Variants in TCOF1 observed in about 807,000 individuals in gnomAD.
TCOF1 encodes treacle protein.
Under a neutral mutation model 149.0 loss-of-function variants are expected in TCOF1, and 33 were observed. The observed-to-expected ratio is 0.22, with a 90% CI of 0.17 to 0.30. The LOEUF is 0.30. Among genes scored for constraint, TCOF1 ranks in the 10% least tolerant of loss-of-function variants. The probability of loss-of-function intolerance (pLI) is 1.00; values close to 1 mark genes in which losing one functional copy is unlikely to be tolerated. For missense variants in TCOF1, 1,728 were observed against 1,840.7 expected (o/e 0.94, Z 1.12); for synonymous variants, 789 against 738.8 (o/e 1.07, Z -1.10).
At chr5:150,376,372 AC>A in intron 13 of TCOF1, 42 bp downstream of exon 13, 1 of 1,614,128 alleles carries the variant, frequency 6.2e-7, no homozygotes. Flanking sequence ...GGCCGCCCCT[AC>A]GTGGTCCTTT....
chr5:150,385,170 G>A (rs1766030752), intron 17 of TCOF1: 3 of 884,614 alleles, frequency 3.4e-6, no homozygotes, highest in South Asian at 5.2e-5. Context: ...TCACTTGTCG[G>A]TAATATTTTT....
Position 150,379,692 on chromosome 5 carries a change from A to G in TCOF1, c.2819A>G (p.Asp940Gly). 1 of 1,614,236 alleles carries G rather than the reference A, an allele frequency of 6.2e-7. No individual in the cohort carries two copies. Among genetic ancestry groups the G allele is most frequent in the East Asian group, 2.2e-5 (1 of 44,894 alleles). The stretch of plus-strand genomic sequence containing the variant: ...TCAGGGAGCAGCAGCGAGGAATCAG[A>G]CAGTGATGGGGAGGCACCGGCAGCT... ...DDSGSSSEES[D>G]SDGEAPAAVT... The change falls in exon 17 of 27, where the codon GAC (aspartate) becomes GGC (glycine). Residue 940 changes from aspartate to glycine, a missense_variant. Coordinates refer to ENST00000643257, the MANE Select transcript of TCOF1 (RefSeq NM_001371623.1).
At chr5:150,386,116 A>T (rs1011676440) in intron 17 of TCOF1, among the ~76,000 whole-genome samples, 8 of 151,896 alleles carry the variant, frequency 5.3e-5, no homozygotes, top group Admixed American at 2.6e-4. Context: ...ACCTTTATGA[A>T]CTCTACAGGC....
At chr5:150,381,119 C>T (rs1286977938) in intron 17 of TCOF1, among the ~76,000 whole-genome samples, 1 of 152,166 alleles carries the variant, frequency 6.6e-6, no homozygotes, top group African/African-American at 2.4e-5. Context: ...CAGTTCTTAT[C>T]AGCTTCAGCC....
At chr5:150,393,171 G>A (rs1767781887) in intron 22 of TCOF1, 2 of 636,780 alleles carry the variant, frequency 3.1e-6, no homozygotes, top group Non-Finnish European at 5.5e-6. Flanking sequence ...TCTAGAAAGT[G>A]TATTAATTAA....
rs1764588267 is a variant in TCOF1, at chr5:150,379,584, A to G, written c.2711A>G (p.Lys904Arg). The G allele has an allele frequency of 1.2e-6, 2 of 1,614,036 alleles. No individual in the cohort carries two copies. Among genetic ancestry groups the G allele is most frequent in the Non-Finnish European group, 8.5e-7 (1 of 1,180,034 alleles). ...ATCAGAGCTGCCTTGGCTCCTGCCA[A>G]GGAGTCCCCCAGGAAAGGGGCTGCC... ...HQIRAALAPA[K>R]ESPRKGAAPT... The change falls in exon 17 of 27, where the codon AAG becomes AGG. Residue 904 changes from lysine to arginine, a missense_variant. Physicochemically the swap from Lys to Arg is conservative, Grantham distance 26. Coordinates refer to ENST00000643257, the MANE Select transcript of TCOF1 (RefSeq NM_001371623.1).
intron 22 of TCOF1, chr5:150,393,089 C>T: frequency 1.7e-6 from 1 of 589,312 alleles, no homozygotes; most frequent in South Asian, 2.0e-5. Context: ...TTTAAGGTTA[C>T]TATCTGTATG....
In TCOF1 at chr5:150,369,593, A is replaced by G. The variant is rs765654624; in HGVS notation, c.630A>G (p.Thr210=). Residue 210 remains threonine (T), a synonymous_variant, in exon 6 of 27, where the codon ACA becomes ACG. Transcript: ENST00000643257. ...SEDTSSSSDE[T]DVEGKPSVKP... is the part of the protein sequence containing the mutation. ...ACACCTCCAGCTCCAGTGATGAGAC[A>G]GACGTGGAGGTAATTGCCACCCATC... 7.6e-5 allele frequency: 123 copies of G among 1,614,032 alleles called. 2 individuals are homozygous for G. In the Admixed American group the frequency reaches 2.0e-3, roughly 27 times the overall value.
intron 17 of TCOF1, among the ~76,000 whole-genome samples, chr5:150,387,595 C>G (rs1766550001): frequency 6.6e-6 from 1 of 152,230 alleles, no homozygotes; most frequent in African/African-American, 2.4e-5. Flanking sequence ...GGACAGCAGC[C>G]TTGGGTCGCT....
At chr5:150,383,049 C>A (rs1012162651) in intron 17 of TCOF1, 43 of 1,531,932 alleles carry the variant, frequency 2.8e-5, no homozygotes, top group Non-Finnish European at 3.8e-5. Context: ...TTATCCAGGT[C>A]TTGTCCCCTC....
At chr5:150,370,418 C>G (rs556172088) in intron 6 of TCOF1, among the ~76,000 whole-genome samples, 22 of 152,170 alleles carry the variant, frequency 1.4e-4, no homozygotes, top group Non-Finnish European at 2.6e-4. Context: ...TGCAGTAGCG[C>G]GATCTTGGCT....
rs1228407261 is a variant in TCOF1, at chr5:150,375,529, T to C, written c.1679T>C (p.Val560Ala). 1.9e-6 allele frequency: 3 copies of C among 1,613,814 alleles called. No homozygotes were observed. Among genetic ancestry groups the C allele is most frequent in the African/African-American group, 2.7e-5 (2 of 74,864 alleles). Residue 560 changes from valine (V) to alanine (A), a missense_variant, in exon 11 of 27, where the codon GTG becomes GCG. By Grantham distance (64) the Val-to-Ala change is moderately conservative. Coordinates refer to ENST00000643257, the MANE Select transcript of TCOF1 (RefSeq NM_001371623.1). ...TCATCAGACAGCAGTGATGGAGAGG[T>C]GCCCACAGCTGTGGCCCCGGCTCAG... ...EESSDSSDGE[V>A]PTAVAPAQEK...
Position 150,374,376 on chromosome 5 carries a change from C to A in TCOF1, c.1073C>A (p.Ala358Asp), listed in dbSNP as rs931860982. 8.4e-6 allele frequency: 13 copies of A among 1,553,970 alleles called. No homozygotes were observed. The highest frequency in any genetic ancestry group is 1.4e-5 in the African/African-American group (1 of 72,906). ...GAGGAGGAGACGCCAGCTGCCAAGG[C>A]CCTGCTTCAGGTGAGGCCTGAGGAG... Reference protein sequence around the residue: ...DSEEETPAAKALLQAKASGKT... With the variant: ...DSEEETPAAKDLLQAKASGKT... Residue 358 changes from alanine to aspartate, a missense_variant, in exon 8 of 27, where the codon GCC becomes GAC. Transcript: ENST00000643257.
intron 6 of TCOF1, 33 bp from the exon 7 acceptor site, chr5:150,371,973 T>C (rs764851894): frequency 6.3e-7 from 1 of 1,578,280 alleles, no homozygotes; most frequent in South Asian, 1.1e-5. Flanking sequence ...CAGTAATTAT[T>C]ATTCATTTTC....
intron 17 of TCOF1, chr5:150,379,987 C>T: frequency 2.2e-6 from 1 of 450,692 alleles, no homozygotes; most frequent in Non-Finnish European, 4.1e-6. Context: ...CAGGAGAATC[C>T]CTAGAACCTG....
intron 5 of TCOF1, among the ~76,000 whole-genome samples, 198 bp from the exon 6 acceptor site, chr5:150,369,331 A>T (rs1762030344): frequency 6.6e-6 from 1 of 152,226 alleles, no homozygotes; most frequent in South Asian, 2.1e-4. Flanking sequence ...CCAGGGCCTC[A>T]GAGATGTGTG....
intron 4 of TCOF1, chr5:150,368,513 C>G: frequency 1.7e-6 from 1 of 604,162 alleles, no homozygotes; most frequent in Non-Finnish European, 2.9e-6. Flanking sequence ...GTCCCAAGAA[C>G]TGGGATTCTG....
chr5:150,391,033 A>G (rs927868114), intron 19 of TCOF1, among the ~76,000 whole-genome samples: 4 of 152,202 alleles, frequency 2.6e-5, no homozygotes, highest in Admixed American at 6.5e-5. Context: ...CAGTCACAGG[A>G]TGAGCTGGGC....
intron 25 of TCOF1, 30 bp downstream of exon 25, chr5:150,398,481 G>C (rs779580896): frequency 1.9e-6 from 3 of 1,613,886 alleles, no homozygotes; most frequent in Non-Finnish European, 2.5e-6. Context: ...TCTCAGGCCA[G>C]AAAACAGACC....
Sources: allele counts gnomAD v4.1 joint callset (sites outside exome capture counted in the v4.1 genomes callset), GRCh38; gene constraint gnomAD v4.1.1; transcripts MANE v1.5; gene names NCBI Gene and HGNC (gene_info 2026-07-23, HGNC 2026-07-21).